The following KCNN3 variants were observed in gnomAD, a reference collection of about 807,000 sequenced individuals.
The protein encoded by KCNN3 is potassium calcium-activated channel subfamily N member 3.
A neutral mutation model predicts 62.9 loss-of-function variants in KCNN3; 16 were observed. The ratio of observed to expected loss-of-function variants is 0.25; its 90% confidence interval spans 0.17 to 0.39. The LOEUF is 0.39. KCNN3 is among the 10% of genes least tolerant of loss of function. The pLI is 1.00. For missense variants in KCNN3, 599 were observed against 949.4 expected (o/e 0.63, Z 4.85); for synonymous variants, 370 against 389.2 (o/e 0.95, Z 0.58).
At chr1:154,725,067 G>C (rs934239368) in intron 5 of KCNN3, among the ~76,000 whole-genome samples, 4 of 152,088 alleles carry the variant, frequency 2.6e-5, no homozygotes, top group Non-Finnish European at 4.4e-5. Flanking sequence ...TGTTGGCCAG[G>C]ATGGTCTCGA....
chr1:154,763,689 C>T (rs1648125840), intron 3 of KCNN3, among the ~76,000 whole-genome samples: 1 of 152,156 alleles, frequency 6.6e-6, no homozygotes, highest in African/African-American at 2.4e-5. Context: ...TTAAAAGTCC[C>T]ACCAAAAAGT....
intron 4 of KCNN3, among the ~76,000 whole-genome samples, chr1:154,726,227 C>G (rs899707774): frequency 6.6e-6 from 1 of 152,174 alleles, no homozygotes; most frequent in African/African-American, 2.4e-5. Context: ...ACAGAGGGGT[C>G]TGCAGTGCCT....
chr1:154,771,770 C>G (rs1648569115), intron 3 of KCNN3: 3 of 634,530 alleles, frequency 4.7e-6, no homozygotes, highest in Non-Finnish European at 8.5e-6. Context: ...GTGCCTTTTT[C>G]CCACCTTACT....
intron 2 of KCNN3, among the ~76,000 whole-genome samples, chr1:154,780,354 G>T (rs541954694): frequency 4.0e-5 from 6 of 150,888 alleles, no homozygotes; most frequent in Non-Finnish European, 7.4e-5. Flanking sequence ...AGGGAGGAGA[G>T]CGTATTCCTG....
chr1:154,714,620 T>G (rs1219301575), intron 6 of KCNN3, among the ~76,000 whole-genome samples: 1 of 136,890 alleles, frequency 7.3e-6, no homozygotes, highest in Non-Finnish European at 1.6e-5. Flanking sequence ...GTGGTGTGTG[T>G]GTGTGTGTGT....
intron 1 of KCNN3, among the ~76,000 whole-genome samples, chr1:154,855,925 C>T (rs1172844611): frequency 6.6e-6 from 1 of 152,112 alleles, no homozygotes; most frequent in African/African-American, 2.4e-5. Context: ...GCTGAGTGAT[C>T]CCACAGAGAG....
rs541412007 is a variant in KCNN3, at chr1:154,859,608, G to C, written c.933+9424C>G. 9.8e-6 allele frequency: 13 copies of C among 1,331,426 alleles called. No homozygotes were observed. The East Asian group carries it at 3.0e-4, about 31-fold the overall frequency. 82.5% of individuals were successfully genotyped at this position (1,331,426 alleles called of 1,614,324 possible). On this transcript the variant is annotated intron_variant, in intron 1 of 7. Transcript: ENST00000271915. ...CCCCTCAGCTCAAAGCCACTGACAGGTCAGCAAGGTTCAATGGCTCAAGCC... is the reference window on the plus strand; with the variant it reads ...CCCCTCAGCTCAAAGCCACTGACAGCTCAGCAAGGTTCAATGGCTCAAGCC...
chr1:154,803,064 A>G (rs1453625798), intron 2 of KCNN3, among the ~76,000 whole-genome samples: 3 of 152,042 alleles, frequency 2.0e-5, no homozygotes, highest in Non-Finnish European at 4.4e-5. Flanking sequence ...GGAGCAATTC[A>G]CCATGGAGTC....
rs1014590883 is a variant in KCNN3, at chr1:154,702,727, A to G, written c.*5249T>C. 1.5e-5 allele frequency: 2 copies of G among 133,988 alleles called. No homozygotes were observed. Among genetic ancestry groups the G allele is most frequent in the East Asian group, 2.2e-4 (1 of 4,590 alleles). 8.3% of individuals were successfully genotyped at this position (133,988 alleles called of 1,614,324 possible). On this transcript the variant is annotated 3_prime_UTR_variant, in exon 8 of 8. Transcript: ENST00000271915. ...TATATATATATATATATATATATAT[A>G]TATATATATATATATATATATGTAC... is the stretch of plus-strand genomic sequence containing the variant.
chr1:154,782,230 C>G (rs1389067792), intron 2 of KCNN3, among the ~76,000 whole-genome samples: 1 of 152,244 alleles, frequency 6.6e-6, no homozygotes, highest in Non-Finnish European at 1.5e-5. Context: ...CCACTCCCAC[C>G]AGGGCCATGT....
intron 5 of KCNN3, among the ~76,000 whole-genome samples, chr1:154,722,923 G>C (rs1700387725): frequency 6.6e-6 from 1 of 150,550 alleles, no homozygotes; most frequent in Non-Finnish European, 1.5e-5. Flanking sequence ...GTAGAGTCAG[G>C]GTTTCACCAT....
intron 3 of KCNN3, among the ~76,000 whole-genome samples, chr1:154,768,392 A>G (rs1019991495): frequency 6.6e-6 from 1 of 152,224 alleles, no homozygotes; most frequent in Admixed American, 6.5e-5. Flanking sequence ...TTTAGGAAAC[A>G]ATATATTAAC....
intron 3 of KCNN3, among the ~76,000 whole-genome samples, chr1:154,746,793 T>C (rs1247802557): frequency 2.6e-5 from 4 of 152,316 alleles, no homozygotes; most frequent in African/African-American, 9.6e-5. Context: ...TTGCTTCAGG[T>C]TGATTTTGCT....
At chr1:154,834,456 C>T (rs1571321887) in intron 1 of KCNN3, among the ~76,000 whole-genome samples, 1 of 152,226 alleles carries the variant, frequency 6.6e-6, no homozygotes, top group East Asian at 1.9e-4. Context: ...CCTCCCAATT[C>T]CTCCATGTGG....
At chr1:154,766,416 T>TTATATATATATATATATATATATATATA (rs373253800) in intron 3 of KCNN3, among the ~76,000 whole-genome samples, 892 of 71,410 alleles carry the variant, frequency 0.012, 80 homozygotes, top group Middle Eastern at 0.025. Flanking sequence ...TAGCCAGGCT[T>TTATATATATATATATATATATATATATA]TATATATATA....
At chr1:154,740,232 G>A (rs1700799915) in intron 3 of KCNN3, among the ~76,000 whole-genome samples, 1 of 152,150 alleles carries the variant, frequency 6.6e-6, no homozygotes, top group African/African-American at 2.4e-5. Flanking sequence ...TAGCTTACGG[G>A]TTTTTCCTCT....
chr1:154,773,655 C>A (rs890889449), intron 2 of KCNN3, among the ~76,000 whole-genome samples: 1 of 152,226 alleles, frequency 6.6e-6, no homozygotes, highest in African/African-American at 2.4e-5. Context: ...GAACCACCCC[C>A]TCCTTTTTGC....
intron 2 of KCNN3, among the ~76,000 whole-genome samples, chr1:154,773,367 A>T (rs1278015259): frequency 6.6e-6 from 1 of 152,228 alleles, no homozygotes; most frequent in East Asian, 1.9e-4. Flanking sequence ...CCTTTATAAT[A>T]AACCAGTAAA....
At chr1:154,746,200 A>G (rs909899336) in intron 3 of KCNN3, among the ~76,000 whole-genome samples, 1 of 152,224 alleles carries the variant, frequency 6.6e-6, no homozygotes, top group East Asian at 1.9e-4. Context: ...AGTTCTAGGA[A>G]GAAGGCAGAC....
Sources: gnomAD v4.1 joint callset for allele counts (sites outside exome capture counted in the v4.1 genomes callset) on GRCh38, gnomAD v4.1.1 for gene constraint, MANE v1.5 for transcripts, NCBI Gene and HGNC (gene_info 2026-07-23, HGNC 2026-07-21) for gene names.